Variants in GRIA4 observed in about 807,000 individuals in gnomAD.
GRIA4 encodes the protein glutamate receptor 4.
A neutral mutation model predicts 104.0 loss-of-function variants in GRIA4; 34 were observed. That is an observed-to-expected ratio of 0.33 (90% CI 0.25 to 0.44). The LOEUF is 0.44. Ranked by LOEUF, GRIA4 falls within the 20% of genes least tolerant of loss-of-function variation. The probability of loss-of-function intolerance (pLI) is 1.00; values close to 1 mark genes in which losing one functional copy is unlikely to be tolerated. For missense variants in GRIA4, 750 were observed against 1,096.5 expected (o/e 0.68, Z 4.46); for synonymous variants, 386 against 381.9 (o/e 1.01, Z -0.13).
intron 3 of GRIA4, among the ~76,000 whole-genome samples, chr11:105,724,646 G>A (rs1173652773): frequency 6.6e-6 from 1 of 152,024 alleles, no homozygotes; most frequent in Non-Finnish European, 1.5e-5. Context: ...GGGTTGGGGG[G>A]CAGTAGGGGA....
At chr11:105,662,915 C>T (rs1766716758) in intron 3 of GRIA4, among the ~76,000 whole-genome samples, 2 of 151,826 alleles carry the variant, frequency 1.3e-5, no homozygotes, top group African/African-American at 2.4e-5. Flanking sequence ...TGTAGCGACA[C>T]TCACACTATC....
At chr11:105,684,885 A>G (rs1048779298) in intron 3 of GRIA4, among the ~76,000 whole-genome samples, 5 of 151,810 alleles carry the variant, frequency 3.3e-5, no homozygotes, top group African/African-American at 1.2e-4. Context: ...ACTAACTTAC[A>G]TTGTAAAGAT....
At chr11:105,640,055 A>C (rs555619660) in intron 3 of GRIA4, among the ~76,000 whole-genome samples, 1 of 152,066 alleles carries the variant, frequency 6.6e-6, no homozygotes, top group African/African-American at 2.4e-5. Flanking sequence ...TAATATTTTT[A>C]TTATGAAAGC....
At chr11:105,681,508 A>T (rs1352866916) in intron 3 of GRIA4, among the ~76,000 whole-genome samples, 2 of 152,200 alleles carry the variant, frequency 1.3e-5, no homozygotes, top group Non-Finnish European at 2.9e-5. Context: ...CCATAAGATC[A>T]AGTGTTTTGG....
intron 14 of GRIA4, among the ~76,000 whole-genome samples, chr11:105,959,059 G>C (rs1565366091): frequency 6.6e-6 from 1 of 152,070 alleles, no homozygotes; most frequent in Non-Finnish European, 1.5e-5. Context: ...CCTTCATTTT[G>C]ACCTTGGAGA....
intron 3 of GRIA4, among the ~76,000 whole-genome samples, chr11:105,750,279 C>A (rs1286126077): frequency 3.3e-5 from 5 of 152,092 alleles, no homozygotes; most frequent in Non-Finnish European, 7.4e-5. Context: ...AATCTATCCT[C>A]ACACACACAA....
At chr11:105,665,487 G>A (rs1050871862) in intron 3 of GRIA4, among the ~76,000 whole-genome samples, 1 of 151,886 alleles carries the variant, frequency 6.6e-6, no homozygotes, top group African/African-American at 2.4e-5. Context: ...ACTGGCCTTC[G>A]AGAATGAGAG....
intron 3 of GRIA4, among the ~76,000 whole-genome samples, chr11:105,651,708 C>A (rs554064893): frequency 6.6e-6 from 1 of 151,816 alleles, no homozygotes; most frequent in Non-Finnish European, 1.5e-5. Context: ...CCTCTGCACA[C>A]TTCTGCTTGA....
In GRIA4 at chr11:105,754,081, T is replaced by G. The variant is rs551831958; in HGVS notation, c.487+861T>G. Among the ~76,000 whole-genome samples the G allele has an allele frequency of 1.3e-4, 20 of 152,266 alleles. No homozygotes were observed. The South Asian group carries it at 4.1e-3, about 32-fold the overall frequency. ...CTCTTTCTCCCCAGAGGTTGGTGTA[T>G]GGGGCTAAAAGTCCCAACCCTCTGA... On this transcript the variant is annotated intron_variant, in intron 4 of 16. Transcript: ENST00000282499.
intron 4 of GRIA4, among the ~76,000 whole-genome samples, chr11:105,848,020 A>G (rs1944659592): frequency 6.6e-6 from 1 of 152,250 alleles, no homozygotes; most frequent in South Asian, 2.1e-4. Flanking sequence ...ATGTCTTCCA[A>G]AAATGATAAT....
At chr11:105,637,698 T>C (rs537109821) in intron 3 of GRIA4, among the ~76,000 whole-genome samples, 8 of 152,248 alleles carry the variant, frequency 5.3e-5, no homozygotes, top group African/African-American at 1.7e-4. Flanking sequence ...GACAGAGAAA[T>C]TTCCAAGCCA....
At chr11:105,734,764 C>T (rs1412546653) in intron 3 of GRIA4, among the ~76,000 whole-genome samples, 1 of 152,168 alleles carries the variant, frequency 6.6e-6, no homozygotes, top group South Asian at 2.1e-4. Flanking sequence ...GACTGGCATA[C>T]TCCTAGTTAT....
At chr11:105,712,521 C>T (rs560249449) in intron 3 of GRIA4, among the ~76,000 whole-genome samples, 1 of 152,018 alleles carries the variant, frequency 6.6e-6, no homozygotes, top group East Asian at 1.9e-4. Context: ...GAAAAAGTTT[C>T]CCCAAATAAA....
intron 4 of GRIA4, among the ~76,000 whole-genome samples, chr11:105,793,040 C>A (rs1027658269): frequency 6.6e-6 from 1 of 152,174 alleles, no homozygotes; most frequent in Non-Finnish European, 1.5e-5. Context: ...AGGAAAAGTG[C>A]ACAGTGTAAA....
intron 3 of GRIA4, among the ~76,000 whole-genome samples, chr11:105,659,863 A>G (rs1951954494): frequency 6.6e-6 from 1 of 151,902 alleles, no homozygotes. Flanking sequence ...AGATGCACTT[A>G]AAACAAAAAT....
chr11:105,623,090 T>TATATATAC (rs1377161261), intron 3 of GRIA4, among the ~76,000 whole-genome samples: 22 of 123,192 alleles, frequency 1.8e-4, no homozygotes, highest in African/African-American at 5.1e-4. Context: ...TATATATATA[T>TATATATAC]ACCATATTTT....
chr11:105,743,672 C>T (rs1939467006), intron 3 of GRIA4, among the ~76,000 whole-genome samples: 1 of 152,148 alleles, frequency 6.6e-6, no homozygotes, highest in Non-Finnish European at 1.5e-5. Context: ...CTCAACATGT[C>T]CAAAATGGAA....
chr11:105,934,988 G>C (rs1947990847), intron 14 of GRIA4, among the ~76,000 whole-genome samples: 1 of 152,154 alleles, frequency 6.6e-6, no homozygotes, highest in African/African-American at 2.4e-5. Context: ...CCTCTGGTAA[G>C]CCATTGAAAA....
chr11:105,906,783 A>T (rs1305133112), intron 9 of GRIA4, among the ~76,000 whole-genome samples: 1 of 152,226 alleles, frequency 6.6e-6, no homozygotes, highest in East Asian at 1.9e-4. Flanking sequence ...AGGGAAGGAG[A>T]TGTTAAGAAC....
Sources: gnomAD v4.1 joint callset for allele counts (sites outside exome capture counted in the v4.1 genomes callset) on GRCh38, gnomAD v4.1.1 for gene constraint, MANE v1.5 for transcripts, NCBI Gene and HGNC (gene_info 2026-07-23, HGNC 2026-07-21) for gene names.